Variants in GATA4 observed in about 807,000 individuals in gnomAD.
GATA4 encodes the protein GATA binding protein 4.
A neutral mutation model predicts 37.9 loss-of-function variants in GATA4; 7 were observed. The observed-to-expected ratio is 0.18, with a 90% CI of 0.11 to 0.35. The LOEUF (loss-of-function observed/expected upper bound fraction) is 0.35, where lower values mean the gene tolerates loss of function less well. Among genes scored for constraint, GATA4 ranks in the 10% least tolerant of loss-of-function variants. GATA4 has a pLI of 1.00. For synonymous variants in GATA4, 372 were observed against 292.6 expected (o/e 1.27, Z -2.77); for missense variants, 647 against 653.0 (o/e 0.99, Z 0.10).
At chr8:11,689,071 T>A (rs1799231008), upstream of GATA4, among the ~76,000 whole-genome samples, 1 of 152,108 alleles carries the variant, frequency 6.6e-6, no homozygotes, top group Non-Finnish European at 1.5e-5. Context: ...CAGCGGCAAA[T>A]CCAATAAGCG....
In GATA4 at chr8:11,708,047, C is replaced by G. The variant is rs975320752; in HGVS notation, c.-266C>G. 13 of 533,408 alleles carry G rather than the reference C, an allele frequency of 2.4e-5. No individual in the cohort carries two copies. Among genetic ancestry groups the G allele is most frequent in the African/African-American group, 2.1e-4 (11 of 52,424 alleles). 33.0% of individuals were successfully genotyped at this position (533,408 alleles called of 1,614,324 possible). A position where few individuals can be genotyped will look rare whatever the true frequency, so the allele number is the denominator to read the frequency against. ...GGACCTTCAGGCCCTGGGGTGAATT[C>G]AGCTGCTCCTACATCAGCTTCCGGA... On this transcript the variant is annotated 5_prime_UTR_variant, in exon 2 of 7. Transcript: ENST00000532059. This position sits in a 1 kb window ranked among gnomAD's most constrained non-coding sequence, Gnocchi z 6.7.
At chr8:11,698,989 G>A (rs1031348720) in intron 1 of GATA4, among the ~76,000 whole-genome samples, 2 of 152,176 alleles carry the variant, frequency 1.3e-5, no homozygotes, top group Non-Finnish European at 2.9e-5. Context: ...GGTCCCTTGA[G>A]GGGAATGTTT....
chr8:11,750,298 C>T, intron 4 of GATA4, 62 bp downstream of exon 4: 1 of 1,600,598 alleles, frequency 6.2e-7, no homozygotes. Flanking sequence ...TCAGTCCTCC[C>T]TTGTCTTCTT....
chr8:11,742,349 T>G (rs1314712597), intron 2 of GATA4, among the ~76,000 whole-genome samples: 1 of 151,810 alleles, frequency 6.6e-6, no homozygotes, highest in Non-Finnish European at 1.5e-5. Context: ...TCTCTCTACG[T>G]TCCCCCCTCC....
At chr8:11,681,353 A>G in intron 1 of GATA4, 1 of 984,776 alleles carries the variant, frequency 1.0e-6, no homozygotes, top group African/African-American at 1.8e-5. Flanking sequence ...AATTTCCAGC[A>G]CTCGTCCCCC....
At position 11,709,577 on chromosome 8, in the gene GATA4, G is replaced by GAGGGGGGC. The variant is rs1554488908; in HGVS notation, c.616+649_616+650insAGGGGGGC. Among the ~76,000 whole-genome samples, 1 of 136,380 alleles carries GAGGGGGGC rather than the reference G, an allele frequency of 7.3e-6. No homozygotes were observed. The highest frequency in any genetic ancestry group is 2.4e-4 in the South Asian group (1 of 4,182). The allele number at this position is 136,380 out of a possible 152,430, so 89.5% of individuals were successfully genotyped here. ...GCGTGGGCGCATCATGCGGGCAGCG[G>GAGGGGGGC]GGGGGGGGGCGCACACGCCCGGTCA... On this transcript the variant is annotated intron_variant, in intron 2 of 6. Coordinates refer to ENST00000532059, the MANE Select transcript of GATA4 (RefSeq NM_001308093.3). This position sits in a 1 kb window ranked among gnomAD's most constrained non-coding sequence, Gnocchi z 4.3.
At chr8:11,745,411 CAAAAAAAAAAAAA>C (rs3030049) in intron 2 of GATA4, among the ~76,000 whole-genome samples, 2 of 104,054 alleles carry the variant, frequency 1.9e-5, no homozygotes, top group Admixed American at 1.0e-4. Context: ...TTGTCTCTAC[CAAAAAAAAAAAAA>C]AAAAAAAAAA....
At chr8:11,736,262 C>G (rs1301405547) in intron 2 of GATA4, among the ~76,000 whole-genome samples, 2 of 152,192 alleles carry the variant, frequency 1.3e-5, no homozygotes, top group Admixed American at 6.5e-5. Flanking sequence ...TTGAAGGGGA[C>G]AGGGACTAAA....
chr8:11,681,000 G>C (rs1798951027), intron 1 of GATA4: 1 of 948,444 alleles, frequency 1.1e-6, no homozygotes, highest in Non-Finnish European at 1.3e-6. Flanking sequence ...GAGAGACCCC[G>C]CACCCCCGAA....
upstream of GATA4, among the ~76,000 whole-genome samples, chr8:11,687,942 C>A (rs531360850): frequency 1.7e-4 from 26 of 152,222 alleles, no homozygotes; most frequent in African/African-American, 5.8e-4. Flanking sequence ...TGGAAAATGA[C>A]CAATGTCATT....
In GATA4 at chr8:11,759,806, C is replaced by G. The variant is rs1037324956; in HGVS notation, c.*1331C>G. The G allele has an allele frequency of 6.6e-6, 1 of 152,346 alleles. No individual in the cohort carries two copies. Among genetic ancestry groups the G allele is most frequent in the Non-Finnish European group, 1.5e-5 (1 of 68,042 alleles). The allele number at this position is 152,346 out of a possible 1,614,324, so 9.4% of individuals were successfully genotyped here. A position where few individuals can be genotyped will look rare whatever the true frequency, so the allele number is the denominator to read the frequency against. ...CTACGCCTCCCCACACGCCCAGACC[C>G]CTCACTCCAAAATCCTACTGGCTGT... On this transcript the variant is annotated 3_prime_UTR_variant, in exon 7 of 7. Coordinates refer to ENST00000532059, the MANE Select transcript of GATA4 (RefSeq NM_001308093.3).
chr8:11,719,403 G>A (rs1296489442), intron 2 of GATA4, among the ~76,000 whole-genome samples: 8 of 152,070 alleles, frequency 5.3e-5, no homozygotes, highest in Non-Finnish European at 8.8e-5. Flanking sequence ...TAGTTCCCAC[G>A]GAGTGCACAG....
chr8:11,705,204 G>A (rs993580625), intron 1 of GATA4, among the ~76,000 whole-genome samples: 2 of 152,230 alleles, frequency 1.3e-5, no homozygotes, highest in Non-Finnish European at 2.9e-5. Context: ...TTGGGGAAGC[G>A]CCTCGGGGAA....
At chr8:11,753,676 G>A (rs1802414264) in intron 4 of GATA4, among the ~76,000 whole-genome samples, 1 of 152,054 alleles carries the variant, frequency 6.6e-6, no homozygotes, top group African/African-American at 2.4e-5. Flanking sequence ...GCAGATGGTG[G>A]GGTCGGGGGG....
chr8:11,721,002 C>T (rs1358619823), intron 2 of GATA4, among the ~76,000 whole-genome samples: 3 of 152,096 alleles, frequency 2.0e-5, no homozygotes, highest in African/African-American at 7.2e-5. Context: ...TACTTCTCCC[C>T]ATTCCCTGTG....
chr8:11,696,858 T>G (rs1465355774), intron 1 of GATA4, among the ~76,000 whole-genome samples: 1 of 152,252 alleles, frequency 6.6e-6, no homozygotes, highest in African/African-American at 2.4e-5. Flanking sequence ...TTTCATTTAC[T>G]CTACCTGTTC....
intron 2 of GATA4, among the ~76,000 whole-genome samples, chr8:11,720,250 G>A (rs562818949): frequency 7.2e-5 from 11 of 151,920 alleles, no homozygotes; most frequent in East Asian, 3.9e-4. Context: ...AGTGTCTTCC[G>A]GCATGCCCCG....
At chr8:11,702,881 C>A (rs1799732024), upstream of GATA4, among the ~76,000 whole-genome samples, 1 of 152,234 alleles carries the variant, frequency 6.6e-6, no homozygotes, top group African/African-American at 2.4e-5. The surrounding 1 kb of genome is among the most constrained non-coding windows in gnomAD (Gnocchi z 4.4). Context: ...AGAGAATTCC[C>A]CGCGCAGCCG....
In GATA4 at chr8:11,749,127, G is replaced by A. The variant is rs371868286; in HGVS notation, c.786+42G>A. On this transcript the variant is annotated intron_variant, in intron 3 of 6. Coordinates refer to ENST00000532059, the MANE Select transcript of GATA4 (RefSeq NM_001308093.3). The surrounding 1 kb of genome is among the most constrained non-coding windows in gnomAD (Gnocchi z 4.6). ...CAGCCTCCTCTGGGCACCTGGCTGC[G>A]GAGCTCTCGCCTTGGTGGGACATCC... The A allele has an allele frequency of 4.4e-6, 7 of 1,605,554 alleles. No homozygotes were observed. The highest frequency in any genetic ancestry group is 2.2e-5 in the East Asian group (1 of 44,652).
Sources: gnomAD v4.1 joint callset for allele counts (sites outside exome capture counted in the v4.1 genomes callset) on GRCh38, gnomAD v4.1.1 for gene constraint, Gnocchi (gnomAD v3.1) non-coding constraint, MANE v1.5 for transcripts, NCBI Gene and HGNC (gene_info 2026-07-23, HGNC 2026-07-21) for gene names.